The following WDR62 variants were observed in gnomAD, a reference collection of about 807,000 sequenced individuals.
WDR62 encodes WD repeat domain 62.
In WDR62, 112 loss-of-function variants were observed where a neutral mutation model predicts 160.6. That is an observed-to-expected ratio of 0.70 (90% CI 0.60 to 0.82). The LOEUF (loss-of-function observed/expected upper bound fraction) is 0.82, where lower values mean the gene tolerates loss of function less well. Among genes scored for constraint, WDR62 ranks in the 40% least tolerant of loss-of-function variants. The probability of loss-of-function intolerance (pLI) is 0.00; values close to 1 mark genes in which losing one functional copy is unlikely to be tolerated. For synonymous variants in WDR62, 792 were observed against 815.1 expected (o/e 0.97, Z 0.48); for missense variants, 1,819 against 1,983.8 (o/e 0.92, Z 1.58).
chr19:36,084,864 T>G (rs760474511), intron 12 of WDR62, 120 bp downstream of exon 12: 77 of 920,400 alleles, frequency 8.4e-5, no homozygotes, highest in Admixed American at 6.5e-4. Flanking sequence ...AGTTTTGTGT[T>G]CGGTAAGGGC....
intron 20 of WDR62, among the ~76,000 whole-genome samples, chr19:36,094,944 T>C (rs1972867702): frequency 6.6e-6 from 1 of 152,118 alleles, no homozygotes; most frequent in African/African-American, 2.4e-5. Context: ...GGCAGGAAGA[T>C]CGCTTGAGCC....
chr19:36,072,010 T>C (rs1405847276), intron 8 of WDR62, among the ~76,000 whole-genome samples: 2 of 152,110 alleles, frequency 1.3e-5, no homozygotes, highest in East Asian at 1.9e-4. Context: ...TGTGGCGGAG[T>C]GTTTCCATCC....
At chr19:36,108,251 C>T (rs1243541428), downstream of WDR62, among the ~76,000 whole-genome samples, 1 of 152,120 alleles carries the variant, frequency 6.6e-6, no homozygotes, top group African/African-American at 2.4e-5. Context: ...CAGGTGACCC[C>T]GCCTCCAGTC....
intron 9 of WDR62, 112 bp from the exon 10 acceptor site, chr19:36,081,321 T>C: frequency 7.9e-7 from 1 of 1,271,830 alleles, no homozygotes; most frequent in Non-Finnish European, 1.1e-6. Flanking sequence ...TAGAAGGTAT[T>C]GCACGATACC....
Position 36,055,046 on chromosome 19 carries a change from T to A in WDR62, c.75T>A (p.Val25=). ...AGCTGCCCTCTGTCATGGCGGGAGT[T>A]CCGGCGCGGAGGGGCCAGTCCTCCC... The part of the protein sequence containing the change: ...GEKLPSVMAG[V]PARRGQSSPP... Residue 25 remains valine, a synonymous_variant, in exon 1 of 32, where the codon GTT becomes GTA. Coordinates refer to ENST00000401500, the MANE Select transcript of WDR62 (RefSeq NM_001083961.2). The A allele has an allele frequency of 6.3e-7, 1 of 1,591,944 alleles. No homozygotes were observed. The highest frequency in any genetic ancestry group is 8.5e-7 in the Non-Finnish European group (1 of 1,170,784).
intron 1 of WDR62, among the ~76,000 whole-genome samples, chr19:36,056,848 C>T (rs1970399980): frequency 6.7e-6 from 1 of 149,638 alleles, no homozygotes; most frequent in African/African-American, 2.5e-5. Context: ...CTTACTCTGT[C>T]ATCCAGGCTG....
chr19:36,099,670 A>G, intron 22 of WDR62, 53 bp downstream of exon 22: 1 of 1,583,840 alleles, frequency 6.3e-7, no homozygotes, highest in Non-Finnish European at 8.6e-7. Flanking sequence ...TGACGGCCCC[A>G]GGGCCTGGCG....
intron 4 of WDR62, 85 bp downstream of exon 4, chr19:36,066,100 C>T (rs1277139065): frequency 8.2e-6 from 13 of 1,579,522 alleles, no homozygotes; most frequent in Admixed American, 1.7e-5. Context: ...GCCTGGGAGT[C>T]CCTGGAATAG....
rs564089480 is a variant in WDR62 at position 36,064,329 on chromosome 19, G to GAA, written c.333-1629_333-1628insAA. On this transcript the variant is annotated intron_variant, in intron 3 of 31. Coordinates refer to ENST00000401500, the MANE Select transcript of WDR62 (RefSeq NM_001083961.2). Reference sequence around the variant, plus strand: ...CTCACTCTGTTGCCCAGGCTGGAGTGCAGTGGCGCGATCTTGGCTCACTGC... The same window carrying GAA: ...CTCACTCTGTTGCCCAGGCTGGAGTGAACAGTGGCGCGATCTTGGCTCACTGC... Among the ~76,000 whole-genome samples the GAA allele has an allele frequency of 7.2e-5, 11 of 152,236 alleles. No individual in the cohort carries two copies. In the East Asian group the frequency reaches 1.7e-3, roughly 24 times the overall value.
chr19:36,056,165 C>T (rs1463053416), intron 1 of WDR62, among the ~76,000 whole-genome samples: 1 of 151,806 alleles, frequency 6.6e-6, no homozygotes, highest in East Asian at 1.9e-4. Flanking sequence ...GACTCTGTCT[C>T]AAAATAAATA....
chr19:36,094,753 G>A (rs1384727009), intron 20 of WDR62, among the ~76,000 whole-genome samples: 1 of 151,942 alleles, frequency 6.6e-6, no homozygotes, highest in African/African-American at 2.4e-5. Context: ...AAAGAAATTA[G>A]CCAGGCATAG....
At chr19:36,090,358 AG>A in intron 15 of WDR62, 86 bp from the exon 16 acceptor site, 2 of 1,282,882 alleles carry the variant, frequency 1.6e-6, no homozygotes, top group Non-Finnish European at 1.1e-6. Flanking sequence ...GGGGGCTTCC[AG>A]GGGAGGGGAG....
Position 36,082,943 on chromosome 19 carries a change from A to G in WDR62, c.1372-120A>G, listed in dbSNP as rs554273661. On this transcript the variant is annotated intron_variant, in intron 10 of 31. Coordinates refer to ENST00000401500, the MANE Select transcript of WDR62 (RefSeq NM_001083961.2). ...AGGAAATAATTATTCTGATTGGTGAAACTCCCAGCTCAAAATTAGAGTTGT... is the reference window on the plus strand; with the variant it reads ...AGGAAATAATTATTCTGATTGGTGAGACTCCCAGCTCAAAATTAGAGTTGT... 128 of 841,804 alleles carry G rather than the reference A, an allele frequency of 1.5e-4. No individual in the cohort carries two copies. The African/African-American group carries it at 2.0e-3, about 13-fold the overall frequency. 52.1% of individuals were successfully genotyped at this position (841,804 alleles called of 1,614,324 possible).
rs1202109468 is a variant in WDR62, at chr19:36,101,938, CT to C, written c.3083-73del. 2.5e-6 allele frequency: 4 copies of C among 1,607,896 alleles called. No homozygotes were observed. The East Asian group carries it at 8.9e-5, about 36-fold the overall frequency. ...ACAGGGCAGGGATGGGTGGGGCCCG[CT>C]TTCTCCATTTCAGGTGGCGTCTGCT... On this transcript the variant is annotated intron_variant, in intron 25 of 31. Coordinates refer to ENST00000401500, the MANE Select transcript of WDR62 (RefSeq NM_001083961.2).
intron 2 of WDR62, 34 bp downstream of exon 2, chr19:36,058,905 GC>G (rs1440296407): frequency 6.4e-7 from 1 of 1,570,234 alleles, no homozygotes. Flanking sequence ...TCTAATCATT[GC>G]TAGGGAATTT....
At chr19:36,099,245 CAG>C (rs1283174206) in intron 21 of WDR62, among the ~76,000 whole-genome samples, 152 bp from the exon 22 acceptor site, 89 of 115,138 alleles carry the variant, frequency 7.7e-4, no homozygotes, top group East Asian at 2.6e-3. Flanking sequence ...AAAAAAAAAA[CAG>C]AGAAAGGTTC....
chr19:36,104,668 A>T lies in WDR62; in HGVS notation c.4304A>T (p.Tyr1435Phe), dbSNP rs1163525233. 2 of 1,614,020 alleles carry T rather than the reference A, an allele frequency of 1.2e-6. No homozygotes were observed. The change falls in exon 31 of 32, where the codon TAC (tyrosine) becomes TTC (phenylalanine). Residue 1435 changes from tyrosine (Y) to phenylalanine (F), a missense_variant. By Grantham distance (22) the Tyr-to-Phe change is conservative (BLOSUM62 3). Coordinates refer to ENST00000401500, the MANE Select transcript of WDR62 (RefSeq NM_001083961.2). ...ACCTTCCAAGAAGCCCTCGACCTTT[A>T]CCGTGTGGTGAGCTAAGCCCCAGAG... ...QTTFQEALDLYRVLVSSGQVD... is the reference protein window; with the variant it reads ...QTTFQEALDLFRVLVSSGQVD...
At chr19:36,083,289 C>T in intron 11 of WDR62, 48 bp downstream of exon 11, 2 of 1,548,270 alleles carry the variant, frequency 1.3e-6, no homozygotes, top group Non-Finnish European at 1.8e-6. Context: ...AGCTCCAGCT[C>T]AGGTTCTCAG....
At chr19:36,072,717 C>G (rs1310145792) in intron 8 of WDR62, among the ~76,000 whole-genome samples, 1 of 152,152 alleles carries the variant, frequency 6.6e-6, no homozygotes, top group African/African-American at 2.4e-5. Flanking sequence ...AACCCACAGG[C>G]AGTGTTGTGT....
Sources: gnomAD v4.1 joint callset for allele counts (sites outside exome capture counted in the v4.1 genomes callset) on GRCh38, gnomAD v4.1.1 for gene constraint, MANE v1.5 for transcripts, NCBI Gene and HGNC (gene_info 2026-07-23, HGNC 2026-07-21) for gene names.